EIF2AK1: variants seen among roughly 807,000 people sequenced by gnomAD.
The protein encoded by EIF2AK1 is eukaryotic translation initiation factor 2-alpha kinase 1.
A neutral mutation model predicts 77.9 loss-of-function variants in EIF2AK1; 54 were observed. That is an observed-to-expected ratio of 0.69 (90% CI 0.56 to 0.87). EIF2AK1 has a LOEUF of 0.87. EIF2AK1 is among the 40% of genes least tolerant of loss of function. The pLI is 0.00. For missense variants in EIF2AK1, 810 were observed against 768.6 expected (o/e 1.05, Z -0.64); for synonymous variants, 314 against 290.5 (o/e 1.08, Z -0.82).
intron 8 of EIF2AK1, 32 bp from the exon 9 acceptor site, chr7:6,041,251 T>C (rs1015346945): frequency 6.4e-7 from 1 of 1,566,900 alleles, no homozygotes; most frequent in Non-Finnish European, 8.6e-7. Flanking sequence ...AACATAAAAG[T>C]CAATGGGCCG....
intron 1 of EIF2AK1, chr7:6,057,631 C>G (rs1007744603): frequency 2.0e-5 from 3 of 150,952 alleles, no homozygotes; most frequent in Non-Finnish European, 4.4e-5. Context: ...AAACCTGAAT[C>G]AATGTTGTTG....
chr7:6,032,971 TTTC>T lies in EIF2AK1; in HGVS notation c.1333-3942_1333-3940del. ...CTCCACCGAAAATCATTTCTTTTTT[TTTC>T]TTTTTTGTTTTGAGGCAGGGGTCTC... On this transcript the variant is annotated intron_variant, in intron 11 of 14. Transcript: ENST00000199389. This position sits in a 1 kb window ranked among gnomAD's most constrained non-coding sequence, Gnocchi z 4.3. 3 of 1,528,734 alleles carry T rather than the reference TTTC, an allele frequency of 2.0e-6. No homozygotes were observed. The highest frequency in any genetic ancestry group is 2.7e-6 in the Non-Finnish European group (3 of 1,129,064). The allele number at this position is 1,528,734 out of a possible 1,614,324, so 94.7% of individuals were successfully genotyped here.
At chr7:6,041,397 G>A (rs1583488621) in intron 8 of EIF2AK1, among the ~76,000 whole-genome samples, 178 bp from the exon 9 acceptor site, 1 of 152,034 alleles carries the variant, frequency 6.6e-6, no homozygotes, top group African/African-American at 2.4e-5. Context: ...AAATTAGACG[G>A]GTATGGTGGC....
chr7:6,038,773 G>A, intron 9 of EIF2AK1, 102 bp from the exon 10 acceptor site: 1 of 943,384 alleles, frequency 1.1e-6, no homozygotes, highest in Non-Finnish European at 1.5e-6. Flanking sequence ...CAAGAGAGTA[G>A]GCCTCTAGGG....
chr7:6,042,321 C>T (rs1454317360), intron 8 of EIF2AK1, among the ~76,000 whole-genome samples: 1 of 151,864 alleles, frequency 6.6e-6, no homozygotes, highest in Non-Finnish European at 1.5e-5. Flanking sequence ...CATGGTGGTG[C>T]AGGCCTATAA....
chr7:6,047,484 C>A (rs1788478800), intron 4 of EIF2AK1, among the ~76,000 whole-genome samples: 1 of 151,962 alleles, frequency 6.6e-6, no homozygotes, highest in Admixed American at 6.6e-5. Flanking sequence ...ACCAGCCTGG[C>A]CAACATGGTA....
At chr7:6,026,589 C>G (rs766411409) in intron 14 of EIF2AK1, 139 bp downstream of exon 14, 2 of 748,808 alleles carry the variant, frequency 2.7e-6, no homozygotes, top group East Asian at 5.3e-5. Context: ...TGGACGAGAA[C>G]AAACAGGCCC....
chr7:6,054,660 G>C lies in EIF2AK1; in HGVS notation c.163C>G (p.Gln55Glu). ...ACTGCAAAAGGGAAGGTTGGCTGTT[G>C]TAGGGGTTCTTTTAACACCTGGATT... Reference protein sequence around the residue: ...AEIQVLKEPLQQPTFPFAVAN... With the variant: ...AEIQVLKEPLEQPTFPFAVAN... The change falls in exon 2 of 15, where the codon CAA becomes GAA. Residue 55 changes from glutamine to glutamate, a missense_variant. This residue lies in a region of EIF2AK1 where 246 missense variants were observed against 199.0 expected (regional missense o/e 1.24). Transcript: ENST00000199389. 2 of 1,614,148 alleles carry C rather than the reference G, an allele frequency of 1.2e-6. No individual in the cohort carries two copies. Among genetic ancestry groups the C allele is most frequent in the Non-Finnish European group, 1.7e-6 (2 of 1,180,026 alleles).
In EIF2AK1 at chr7:6,056,628, A is replaced by ATATATATATATATG. The variant is rs749747260; in HGVS notation, c.119-1925_119-1924insCATATATATATATA. On this transcript the variant is annotated intron_variant, in intron 1 of 14. Coordinates refer to ENST00000199389, the MANE Select transcript of EIF2AK1 (RefSeq NM_014413.4). ...AAAAAAAAAAAATATATATATATAT[A>ATATATATATATATG]TATATATAAACTCTGTCTGGACATT... 2.1e-3 allele frequency among the ~76,000 whole-genome samples: 162 copies of ATATATATATATATG among 75,836 alleles called. 5 individuals carry two copies. Among genetic ancestry groups the ATATATATATATATG allele is most frequent in the East Asian group, 5.5e-3 (16 of 2,930 alleles). The allele number at this position is 75,836 out of a possible 152,430, so 49.8% of individuals were successfully genotyped here.
At chr7:6,056,613 A>AAAAATATATATATATATATAT in intron 1 of EIF2AK1, among the ~76,000 whole-genome samples, 11 of 43,732 alleles carry the variant, frequency 2.5e-4, no homozygotes, top group Non-Finnish European at 3.8e-4. Context: ...AAAAAAAAAA[A>AAAAATATATATATATATATAT]ATATATATAT....
At chr7:6,054,062 A>G (rs1410493708) in intron 2 of EIF2AK1, among the ~76,000 whole-genome samples, 1 of 151,858 alleles carries the variant, frequency 6.6e-6, no homozygotes, top group Non-Finnish European at 1.5e-5. Flanking sequence ...AATTTATTCT[A>G]ACTATATTTT....
chr7:6,025,903 G>C (rs1387043700), intron 14 of EIF2AK1, among the ~76,000 whole-genome samples: 1 of 151,676 alleles, frequency 6.6e-6, no homozygotes, highest in Admixed American at 6.6e-5. Flanking sequence ...AAAATCCCAT[G>C]CCTGGGATTA....
chr7:6,049,896 A>G lies in EIF2AK1; in HGVS notation c.411+16T>C, dbSNP rs375189192. 1 of 1,599,052 alleles carries G rather than the reference A, an allele frequency of 6.3e-7. No individual in the cohort carries two copies. The highest frequency in any genetic ancestry group is 8.5e-7 in the Non-Finnish European group (1 of 1,175,950). On this transcript the variant is annotated intron_variant, in intron 3 of 14. Transcript: ENST00000199389. ...TATATTTTTGTCATACCCAAAGTATATTTTTTAGGGCTTACCTGACGAACT... is the reference window on the plus strand; with the variant it reads ...TATATTTTTGTCATACCCAAAGTATGTTTTTTAGGGCTTACCTGACGAACT...
At chr7:6,047,563 C>T (rs1021199292) in intron 4 of EIF2AK1, among the ~76,000 whole-genome samples, 17 of 151,764 alleles carry the variant, frequency 1.1e-4, no homozygotes, top group Non-Finnish European at 2.1e-4. Context: ...ATCCCAGCTA[C>T]TCCGGAGGCT....
intron 9 of EIF2AK1, 149 bp downstream of exon 9, chr7:6,040,743 C>G (rs1167713586): frequency 2.9e-6 from 2 of 696,246 alleles, no homozygotes; most frequent in Non-Finnish European, 4.8e-6. Flanking sequence ...GAACCAAACG[C>G]AAAGGCCCCA....
intron 4 of EIF2AK1, among the ~76,000 whole-genome samples, chr7:6,048,287 T>C (rs924110429): frequency 1.3e-5 from 2 of 152,188 alleles, no homozygotes; most frequent in African/African-American, 4.8e-5. Context: ...TACGTCTCTA[T>C]GGATTCACCT....
Position 6,037,532 on chromosome 7 carries a change from T to TAA in EIF2AK1, c.1232-10_1232-9dup. ...TGGCCATAACATAAGGACCTTGAAG[T>TAA]AAAAAAAAATAGTTTTATTTCTCTA... is the stretch of plus-strand genomic sequence containing the variant. On this transcript the variant is annotated splice_polypyrimidine_tract_variant and intron_variant, in intron 10 of 14. Coordinates refer to ENST00000199389, the MANE Select transcript of EIF2AK1 (RefSeq NM_014413.4). 1 of 1,527,248 alleles carries TAA rather than the reference T, an allele frequency of 6.5e-7. No homozygotes were observed. The allele number at this position is 1,527,248 out of a possible 1,614,324, so 94.6% of individuals were successfully genotyped here. A position where few individuals can be genotyped will look rare whatever the true frequency, so the allele number is the denominator to read the frequency against.
In EIF2AK1 at chr7:6,024,038, G is replaced by A; in HGVS notation, c.*635C>T. On this transcript the variant is annotated 3_prime_UTR_variant, in exon 15 of 15. Transcript: ENST00000199389. ...CAGTGCAGGGCAAAGGCAGGAAAGA[G>A]ATCTGAGCTGCCTGGAGATCATCTG... 1 of 1,315,928 alleles carries A rather than the reference G, an allele frequency of 7.6e-7. No individual in the cohort carries two copies. Among genetic ancestry groups the A allele is most frequent in the Non-Finnish European group, 9.9e-7 (1 of 1,007,404 alleles). 81.5% of individuals were successfully genotyped at this position (1,315,928 alleles called of 1,614,324 possible).
chr7:6,023,273 G>A lies in EIF2AK1; in HGVS notation c.*1400C>T. 1 of 1,557,992 alleles carries A rather than the reference G, an allele frequency of 6.4e-7. No homozygotes were observed. Among genetic ancestry groups the A allele is most frequent in the East Asian group, 2.2e-5 (1 of 44,666 alleles). On this transcript the variant is annotated 3_prime_UTR_variant, in exon 15 of 15. Coordinates refer to ENST00000199389, the MANE Select transcript of EIF2AK1 (RefSeq NM_014413.4). Reference sequence around the variant, plus strand: ...GTACTTCCCTCAGGGCTGCTCTGGTGATGCTACCTGGCGTGTTTTTTCTTT... The same window carrying A: ...GTACTTCCCTCAGGGCTGCTCTGGTAATGCTACCTGGCGTGTTTTTTCTTT...
Sources: gnomAD v4.1 joint callset for allele counts (sites outside exome capture counted in the v4.1 genomes callset) on GRCh38, gnomAD v4.1.1 for gene constraint, gnomAD v4.1.1 regional missense constraint, Gnocchi (gnomAD v3.1) non-coding constraint, MANE v1.5 for transcripts, NCBI Gene and HGNC (gene_info 2026-07-23, HGNC 2026-07-21) for gene names.